Variants in TYW1B observed in about 807,000 individuals in gnomAD.
TYW1B encodes S-adenosyl-L-methionine-dependent tRNA 4-demethylwyosine synthase TYW1B.
TYW1B carries 73 observed loss-of-function variants against 86.9 expected under a neutral mutation model. The ratio of observed to expected loss-of-function variants is 0.84; its 90% CI spans 0.70 to 1.02. The LOEUF (loss-of-function observed/expected upper bound fraction) is 1.02, where lower values mean the gene tolerates loss of function less well. Ranked by LOEUF, TYW1B falls within the 50% of genes least tolerant of loss-of-function variation. The pLI, the probability that TYW1B is intolerant of heterozygous loss-of-function variation, is 0.00. For synonymous variants in TYW1B, 248 were observed against 292.8 expected (o/e 0.85, Z 1.56); for missense variants, 637 against 827.4 (o/e 0.77, Z 2.82).
Position 72,689,067 on chromosome 7 carries a change from C to G in TYW1B, c.1506+5620G>C, listed in dbSNP as rs528301937. 4.6e-5 allele frequency among the ~76,000 whole-genome samples: 7 copies of G among 152,150 alleles called. No individual in the cohort carries two copies. The South Asian group carries it at 1.5e-3, about 32-fold the overall frequency. ...TCTATGCCTGTGGATAGGGGTCCCA[C>G]GGTTTACATGAAAGTTAAAGCCTTC... On this transcript the variant is annotated intron_variant, in intron 11 of 13. Coordinates refer to ENST00000620995, the MANE Select transcript of TYW1B (RefSeq NM_001145440.3).
chr7:72,577,834 T>C (rs1439128519), intron 13 of TYW1B, among the ~76,000 whole-genome samples: 1 of 152,190 alleles, frequency 6.6e-6, no homozygotes, highest in Non-Finnish European at 1.5e-5. Flanking sequence ...GCCCAAGCTG[T>C]TCCCTCTGTC....
chr7:72,614,776 T>C (rs1395292548), intron 13 of TYW1B, among the ~76,000 whole-genome samples: 1 of 152,174 alleles, frequency 6.6e-6, no homozygotes, highest in Non-Finnish European at 1.5e-5. Flanking sequence ...TAAAAATAAC[T>C]GAAGCAGCAA....
At chr7:72,631,081 C>T (rs1812474969) in intron 11 of TYW1B, among the ~76,000 whole-genome samples, 1 of 151,838 alleles carries the variant, frequency 6.6e-6, no homozygotes, top group Non-Finnish European at 1.5e-5. Flanking sequence ...AAAAGCCATC[C>T]CTGCTTTTAA....
At chr7:72,650,293 C>T (rs1813029105) in intron 11 of TYW1B, among the ~76,000 whole-genome samples, 1 of 151,952 alleles carries the variant, frequency 6.6e-6, no homozygotes, top group Non-Finnish European at 1.5e-5. Flanking sequence ...AAACCAGACT[C>T]ATTAGAAGGT....
rs1410977132 is a variant in TYW1B at position 72,603,568 on chromosome 7, G to A, written c.1785+13104C>T. Reference sequence around the variant, plus strand: ...CGCCCCCTGGATATGGACCACACACGGTGATTTCCTCCCAAAGAGCACAGT... The same window carrying A: ...CGCCCCCTGGATATGGACCACACACAGTGATTTCCTCCCAAAGAGCACAGT... On this transcript the variant is annotated intron_variant, in intron 13 of 13. Transcript: ENST00000620995. Among the ~76,000 whole-genome samples the A allele has an allele frequency of 3.9e-5, 6 of 152,264 alleles. No individual in the cohort carries two copies. In the South Asian group the frequency reaches 1.2e-3, roughly 32 times the overall value.
chr7:72,730,380 T>TA (rs1211176240), intron 8 of TYW1B, among the ~76,000 whole-genome samples: 1 of 149,234 alleles, frequency 6.7e-6, no homozygotes, highest in Non-Finnish European at 1.5e-5. Flanking sequence ...CAGAGATAGA[T>TA]ATCACAAAAA....
intron 2 of TYW1B, among the ~76,000 whole-genome samples, chr7:72,816,677 C>T (rs1349887861): frequency 2.6e-5 from 4 of 152,164 alleles, no homozygotes; most frequent in African/African-American, 9.7e-5. Flanking sequence ...ACAGAGAACA[C>T]TAAGGAAAGA....
At chr7:72,675,643 G>A (rs1813719816) in intron 11 of TYW1B, among the ~76,000 whole-genome samples, 1 of 150,130 alleles carries the variant, frequency 6.7e-6, no homozygotes, top group Non-Finnish European at 1.5e-5. Flanking sequence ...CTAATATATG[G>A]TATGTGGATC....
chr7:72,660,752 G>C (rs1168288183), intron 11 of TYW1B, among the ~76,000 whole-genome samples: 1 of 152,088 alleles, frequency 6.6e-6, no homozygotes, highest in Non-Finnish European at 1.5e-5. Flanking sequence ...TAAAATAAAA[G>C]GCAGAGCAGT....
chr7:72,677,711 C>CT (rs34987057), intron 11 of TYW1B, among the ~76,000 whole-genome samples: 19 of 151,304 alleles, frequency 1.3e-4, no homozygotes, highest in South Asian at 2.1e-4. Context: ...TTTTATTTAT[C>CT]TTTTTTTTTG....
intron 2 of TYW1B, among the ~76,000 whole-genome samples, chr7:72,819,459 G>A (rs1158912949): frequency 6.6e-6 from 1 of 152,022 alleles, no homozygotes; most frequent in Non-Finnish European, 1.5e-5. Context: ...TTGAGAGAAG[G>A]TCTCACTCTG....
intron 11 of TYW1B, among the ~76,000 whole-genome samples, chr7:72,632,298 T>TATATTATATATATATAC: frequency 1.5e-5 from 1 of 67,366 alleles, no homozygotes; most frequent in Non-Finnish European, 2.4e-5. Flanking sequence ...TATATATATA[T>TATATTATATATATATAC]ACGTGTATAT....
chr7:72,635,428 T>G (rs577061060), intron 11 of TYW1B, among the ~76,000 whole-genome samples: 2 of 152,252 alleles, frequency 1.3e-5, no homozygotes, highest in South Asian at 2.1e-4. Context: ...TTTTTTGGTT[T>G]TCACAAATGG....
chr7:72,744,537 G>A lies in TYW1B; in HGVS notation c.1029C>T (p.Cys343=), dbSNP rs782311963. The A allele has an allele frequency of 4.6e-6, 7 of 1,524,236 alleles. No homozygotes were observed. The highest frequency in any genetic ancestry group is 6.1e-6 in the Non-Finnish European group (7 of 1,139,630). The allele number at this position is 1,524,236 out of a possible 1,614,324, so 94.4% of individuals were successfully genotyped here. A position where few individuals can be genotyped will look rare whatever the true frequency, so the allele number is the denominator to read the frequency against. ...ACGCCAAGCTCGGGGTGGTTTCCAT[G>A]CAGCGATGGCTCTCATTCCATAGAA... is the stretch of plus-strand genomic sequence containing the variant. ...THILWNESHR[C]METTPSLACA... The change falls in exon 8 of 14, where the codon TGC becomes TGT. Residue 343 remains cysteine, a synonymous_variant. Transcript: ENST00000620995.
At chr7:72,579,738 T>C (rs1811107470) in intron 13 of TYW1B, among the ~76,000 whole-genome samples, 1 of 152,092 alleles carries the variant, frequency 6.6e-6, no homozygotes, top group Non-Finnish European at 1.5e-5. Flanking sequence ...GCAGCCTCAA[T>C]CTTGTGGGCT....
chr7:72,686,269 T>C (rs1814004175), intron 11 of TYW1B, among the ~76,000 whole-genome samples: 1 of 152,198 alleles, frequency 6.6e-6, no homozygotes, highest in Non-Finnish European at 1.5e-5. Context: ...CAGATGTTTA[T>C]AACAGCTGTG....
intron 3 of TYW1B, among the ~76,000 whole-genome samples, chr7:72,815,086 A>AAAAAG (rs1563104106): frequency 6.9e-6 from 1 of 145,356 alleles, no homozygotes; most frequent in African/African-American, 2.5e-5. Flanking sequence ...AAAAAAAAAA[A>AAAAAG]AAAAGAAAAT....
intron 13 of TYW1B, among the ~76,000 whole-genome samples, chr7:72,609,256 A>G (rs1411323488): frequency 6.6e-6 from 1 of 152,144 alleles, no homozygotes; most frequent in Non-Finnish European, 1.5e-5. Flanking sequence ...CAGAAGTCCC[A>G]GGATTATTAG....
At chr7:72,742,043 A>G (rs1424160009) in intron 8 of TYW1B, among the ~76,000 whole-genome samples, 1 of 152,236 alleles carries the variant, frequency 6.6e-6, no homozygotes, top group Non-Finnish European at 1.5e-5. Context: ...ATACAAATAT[A>G]CAAAGAACAA....
Sources: gnomAD v4.1 joint callset for allele counts (sites outside exome capture counted in the v4.1 genomes callset) on GRCh38, gnomAD v4.1.1 for gene constraint, MANE v1.5 for transcripts, NCBI Gene and HGNC (gene_info 2026-07-23, HGNC 2026-07-21) for gene names.